The following KLHL34 variants were observed in gnomAD, a reference collection of about 807,000 sequenced individuals.
KLHL34 encodes kelch-like protein 34.
In KLHL34, 24 loss-of-function variants were observed where a neutral mutation model predicts 23.8. That is an observed-to-expected ratio of 1.01 (90% CI 0.73 to 1.42). The LOEUF is 1.42. Among genes scored for constraint, KLHL34 ranks in the 40% most tolerant of loss-of-function variants. KLHL34 has a pLI of 0.00. For synonymous variants in KLHL34, 303 were observed against 287.9 expected, an observed-to-expected ratio of 1.05 and a Z score of -0.53; for missense variants, 652 against 595.1, an observed-to-expected ratio of 1.10 and a Z score of -0.99.
chrX:21,656,637 C>G lies in KLHL34; in HGVS notation c.1152G>C (p.Leu384=). 1 of 1,211,174 alleles carries G rather than the reference C, an allele frequency of 8.3e-7. No individual in the cohort carries two copies. The highest frequency in any genetic ancestry group is 1.1e-6 in the Non-Finnish European group (1 of 895,414). ...ESPSGSASSP[L]ADDSRVVTAQ... is the part of the protein sequence containing the mutation. ...CCGTGACCACCCGCGAGTCGTCGGCCAGGGGAGAGGATGCACTGCCGGAAG... is the reference window on the plus strand; with the variant it reads ...CCGTGACCACCCGCGAGTCGTCGGCGAGGGGAGAGGATGCACTGCCGGAAG... The change falls in exon 1 of 1, where the codon CTG becomes CTC. Residue 384 remains leucine, a synonymous_variant. Coordinates refer to ENST00000379499, the MANE Select transcript of KLHL34 (RefSeq NM_153270.3).
chrX:21,657,921 C>T lies in KLHL34; in HGVS notation c.-133G>A. 9.9e-7 allele frequency: 1 copy of T among 1,015,131 alleles called. No homozygotes were observed. The highest frequency in any genetic ancestry group is 1.3e-6 in the Non-Finnish European group (1 of 763,572). The allele number at this position is 1,015,131 out of a possible 1,213,427, so 83.7% of individuals were successfully genotyped here. On this transcript the variant is annotated 5_prime_UTR_variant, in exon 1 of 1. Coordinates refer to ENST00000379499, the MANE Select transcript of KLHL34 (RefSeq NM_153270.3). ...CCTAGCAGGGGCCCATTTCTGCCTG[C>T]TCAGTTTAAAGCCCAGGGCTCCTTC...
In KLHL34 at chrX:21,657,938, G is replaced by T; in HGVS notation, c.-150C>A. ...TCTGCCTGCTCAGTTTAAAGCCCAGGGCTCCTTCATCCAGACCTGCAGATC... is the reference window on the plus strand; with the variant it reads ...TCTGCCTGCTCAGTTTAAAGCCCAGTGCTCCTTCATCCAGACCTGCAGATC... On this transcript the variant is annotated 5_prime_UTR_variant, in exon 1 of 1. Transcript: ENST00000379499. 1.1e-6 allele frequency: 1 copy of T among 924,725 alleles called. No individual in the cohort carries two copies. The highest frequency in any genetic ancestry group is 1.5e-6 in the Non-Finnish European group (1 of 688,321). The allele number at this position is 924,725 out of a possible 1,213,427, so 76.2% of individuals were successfully genotyped here. A position where few individuals can be genotyped will look rare whatever the true frequency, so the allele number is the denominator to read the frequency against.
Position 21,656,015 on chromosome X carries a change from C to T in KLHL34, c.1774G>A (p.Val592Ile). Residue 592 changes from valine (V) to isoleucine (I), a missense_variant, in exon 1 of 1, where the codon GTA (valine) becomes ATA (isoleucine). By Grantham distance (29) the Val-to-Ile change is conservative. Transcript: ENST00000379499. ...RDSRQVPTRNVVGYDLDLDRW... is the reference protein window; with the variant it reads ...RDSRQVPTRNIVGYDLDLDRW... The stretch of plus-strand genomic sequence containing the variant: ...TCCAGGTCGAGGTCGTAGCCCACTA[C>T]GTTGCGGGTAGGCACCTGGCGCGAG... The T allele has an allele frequency of 8.3e-7, 1 of 1,207,987 alleles. No individual in the cohort carries two copies. Among genetic ancestry groups the T allele is most frequent in the Non-Finnish European group, 1.1e-6 (1 of 893,700 alleles).
chrX:21,656,949 G>A lies in KLHL34; in HGVS notation c.840C>T (p.Thr280=). The change falls in exon 1 of 1, where the codon ACC becomes ACT. Residue 280 remains threonine, a synonymous_variant. Coordinates refer to ENST00000379499, the MANE Select transcript of KLHL34 (RefSeq NM_153270.3). ...GEQTSIRSPQ[T]RILLVGGRRA... ...TGCGCCCCCCCACCAACAAGATGCG[G>A]GTCTGGGGGCTCCGGATGCTGGTCT... The A allele has an allele frequency of 1.7e-6, 2 of 1,159,288 alleles. No homozygotes were observed.
In KLHL34 at chrX:21,655,583, TAGCCTTGCGTG is replaced by T; in HGVS notation, c.*260_*270del. The T allele has an allele frequency of 3.7e-6, 1 of 269,147 alleles. No homozygotes were observed. The highest frequency in any genetic ancestry group is 6.4e-6 in the Non-Finnish European group (1 of 155,251). The allele number at this position is 269,147 out of a possible 1,213,427, so 22.2% of individuals were successfully genotyped here. A position where few individuals can be genotyped will look rare whatever the true frequency, so the allele number is the denominator to read the frequency against. ...TATTTTATTTGTGAAAGTCCTTCTCTAGCCTTGCGTGAGCCTTTCTAAAAATTTTCTTTCAC... is the reference window on the plus strand; with the variant it reads ...TATTTTATTTGTGAAAGTCCTTCTCTAGCCTTTCTAAAAATTTTCTTTCAC... On this transcript the variant is annotated 3_prime_UTR_variant, in exon 1 of 1. Coordinates refer to ENST00000379499, the MANE Select transcript of KLHL34 (RefSeq NM_153270.3).
In KLHL34 at chrX:21,655,944, GC is replaced by G. The variant is rs2092731328; in HGVS notation, c.1844del (p.Gly615AlafsTer25). 14 of 1,209,551 alleles carry G rather than the reference GC, an allele frequency of 1.2e-5. No individual in the cohort carries two copies. Among genetic ancestry groups the G allele is most frequent in the African/African-American group, 1.7e-5 (1 of 57,209 alleles). Reference protein sequence around the residue: ...IGCALPWAWSGLRCAVLQLAE... With the variant: ...IGCALPWAWSXLRCAVLQLAE... ...CCAGCTGCAGCACTGCGCACCGCAG[GC>G]CGCTCCAGGCCCAGGGCAACGCGCA... On this transcript the variant is annotated frameshift_variant, in exon 1 of 1. Transcript: ENST00000379499. LOFTEE classifies it high-confidence loss of function.
chrX:21,655,181 G>A lies in KLHL34; in HGVS notation c.*673C>T, dbSNP rs777474602. ...GGCAAAAGCAGCCTAGGGTGACACC[G>A]GTGACAGAAAAATTTAAGGATACTT... On this transcript the variant is annotated 3_prime_UTR_variant, in exon 1 of 1. Transcript: ENST00000379499. The A allele has an allele frequency of 2.2e-4, 24 of 110,029 alleles. No individual in the cohort carries two copies. The highest frequency in any genetic ancestry group is 4.8e-4 in the Admixed American group (5 of 10,376). The allele number at this position is 110,029 out of a possible 1,213,427, so 9.1% of individuals were successfully genotyped here.
Position 21,657,556 on chromosome X carries a change from G to T in KLHL34, c.233C>A (p.Ala78Asp). Residue 78 changes from alanine (A) to aspartate (D), a missense_variant, in exon 1 of 1, where the codon GCC becomes GAC. Physicochemically the swap from Ala to Asp is moderately radical, Grantham distance 126. Transcript: ENST00000379499. ...GAAGTCCAGCAGGCGCTGCAGGCCG[G>T]CTGCCGATGGCACGTGCAGGTGGAT... ...RVIHLHVPSA[A>D]GLQRLLDFIY... 5 of 1,209,629 alleles carry T rather than the reference G, an allele frequency of 4.1e-6. No individual in the cohort carries two copies. Among genetic ancestry groups the T allele is most frequent in the Non-Finnish European group, 5.6e-6 (5 of 894,870 alleles).
chrX:21,656,114 A>T lies in KLHL34; in HGVS notation c.1675T>A (p.Tyr559Asn). ...DQWTRLRPLP[Y>N]DRFCYGLAVV... ...GCCAGCCCATAGCAGAAGCGGTCGT[A>T]GGGCAGCGGCCGCAACCGAGTCCAC... The change falls in exon 1 of 1, where the codon TAC becomes AAC. Residue 559 changes from tyrosine (Y) to asparagine (N), a missense_variant. Tyr to Asn is a moderately radical substitution (Grantham distance 143). Transcript: ENST00000379499. 1 of 1,179,095 alleles carries T rather than the reference A, an allele frequency of 8.5e-7. No individual in the cohort carries two copies. The highest frequency in any genetic ancestry group is 1.1e-6 in the Non-Finnish European group (1 of 877,858).
Position 21,656,939 on chromosome X carries a change from A to G in KLHL34, c.850T>C (p.Leu284=). The G allele has an allele frequency of 1.7e-6, 2 of 1,157,941 alleles. No individual in the cohort carries two copies. Among genetic ancestry groups the G allele is most frequent in the Non-Finnish European group, 2.3e-6 (2 of 868,322 alleles). Residue 284 remains leucine (L), a synonymous_variant, in exon 1 of 1, where the codon TTG becomes CTG. Transcript: ENST00000379499. The stretch of plus-strand genomic sequence containing the variant: ...TCCCGTGCCCTGCGCCCCCCCACCA[A>G]CAAGATGCGGGTCTGGGGGCTCCGG... ...SIRSPQTRIL[L]VGGRRAREVV...
chrX:21,656,517 G>C lies in KLHL34; in HGVS notation c.1272C>G (p.Gly424=). ...ARAHFWCGAV[G]ERLLAVGGLG... The stretch of plus-strand genomic sequence containing the variant: ...GGCCCCCGACGGCCAGGAGCCTCTC[G>C]CCCACCGCGCCGCACCAGAAGTGGG... The change falls in exon 1 of 1, where the codon GGC becomes GGG. Residue 424 remains glycine, a synonymous_variant. Transcript: ENST00000379499. 1 of 1,195,805 alleles carries C rather than the reference G, an allele frequency of 8.4e-7. No individual in the cohort carries two copies. Among genetic ancestry groups the C allele is most frequent in the South Asian group, 1.8e-5 (1 of 55,150 alleles).
chrX:21,658,025 G>A lies in KLHL34; in HGVS notation c.-237C>T, dbSNP rs2092736020. The A allele has an allele frequency of 2.7e-6, 1 of 376,756 alleles. No individual in the cohort carries two copies. Among genetic ancestry groups the A allele is most frequent in the Non-Finnish European group, 4.5e-6 (1 of 222,169 alleles). 31.0% of individuals were successfully genotyped at this position (376,756 alleles called of 1,213,427 possible). On this transcript the variant is annotated 5_prime_UTR_variant, in exon 1 of 1. Transcript: ENST00000379499. ...ACGGTTTTCGGAGGCCCCTAGTAAC[G>A]GAGGGCGCGGAATTTGGAGGCTTCC...
In KLHL34 at chrX:21,654,887, T is replaced by C. The variant is rs373464411; in HGVS notation, c.*967A>G. ...CCTGAAAAATCAAGCTCGTTTCCCA[T>C]TTACCTGAGACGAAGTTTAAAACTT... On this transcript the variant is annotated 3_prime_UTR_variant, in exon 1 of 1. Coordinates refer to ENST00000379499, the MANE Select transcript of KLHL34 (RefSeq NM_153270.3). 8.9e-6 allele frequency: 1 copy of C among 111,873 alleles called. No individual in the cohort carries two copies. The highest frequency in any genetic ancestry group is 2.8e-4 in the East Asian group (1 of 3,586). 9.2% of individuals were successfully genotyped at this position (111,873 alleles called of 1,213,427 possible).
At position 21,655,699 on chromosome X, in the gene KLHL34, T is replaced by C. The variant is rs1050382788; in HGVS notation, c.*155A>G. The C allele has an allele frequency of 1.5e-5, 14 of 926,817 alleles. No individual in the cohort carries two copies. Among genetic ancestry groups the C allele is most frequent in the African/African-American group, 2.0e-5 (1 of 49,166 alleles). 76.4% of individuals were successfully genotyped at this position (926,817 alleles called of 1,213,427 possible). A position where few individuals can be genotyped will look rare whatever the true frequency, so the allele number is the denominator to read the frequency against. On this transcript the variant is annotated 3_prime_UTR_variant, in exon 1 of 1. Transcript: ENST00000379499. Reference sequence around the variant, plus strand: ...CTCCCATTCTCAGCTCAAGGAGAAATGTTTCTCTTTGCTCAAGGCCTTGTT... The same window carrying C: ...CTCCCATTCTCAGCTCAAGGAGAAACGTTTCTCTTTGCTCAAGGCCTTGTT...
chrX:21,657,581 T>C lies in KLHL34; in HGVS notation c.208A>G (p.Ile70Val). The C allele has an allele frequency of 1.7e-6, 2 of 1,210,695 alleles. No individual in the cohort carries two copies. The highest frequency in any genetic ancestry group is 2.2e-6 in the Non-Finnish European group (2 of 895,226). ...SHTQESRARV[I>V]HLHVPSAAGL... is the part of the protein sequence containing the mutation. ...GCTGCCGATGGCACGTGCAGGTGGATCACGCGCGCCCGGGATTCCTGGGTG... is the reference window on the plus strand; with the variant it reads ...GCTGCCGATGGCACGTGCAGGTGGACCACGCGCGCCCGGGATTCCTGGGTG... Residue 70 changes from isoleucine to valine, a missense_variant, in exon 1 of 1, where the codon ATC (isoleucine) becomes GTC (valine). By Grantham distance (29) the Ile-to-Val change is conservative. Transcript: ENST00000379499.
In KLHL34 at chrX:21,657,308, G is replaced by A. The variant is rs750275034; in HGVS notation, c.481C>T (p.Leu161=). 13 of 1,158,184 alleles carry A rather than the reference G, an allele frequency of 1.1e-5. No individual in the cohort carries two copies. In the East Asian group the frequency reaches 4.2e-4, roughly 37 times the overall value. ...GCGGGGCCCGCGCCCCGCGCCAGCA[G>A]CTCCTGCAAGTGGCTCACGATGCAG... ...ERCIVSHLQE[L]LARGAGPAGL... The change falls in exon 1 of 1, where the codon CTG becomes TTG. Residue 161 remains leucine (L), a synonymous_variant. Coordinates refer to ENST00000379499, the MANE Select transcript of KLHL34 (RefSeq NM_153270.3).
rs2092729432 is a variant in KLHL34 at position 21,654,935 on chromosome X, C to G, written c.*919G>C. 1 of 111,937 alleles carries G rather than the reference C, an allele frequency of 8.9e-6. No homozygotes were observed. The highest frequency in any genetic ancestry group is 1.9e-5 in the Non-Finnish European group (1 of 53,188). The allele number at this position is 111,937 out of a possible 1,213,427, so 9.2% of individuals were successfully genotyped here. ...CTTTACCTATTCCTCTTTCCTTTCT[C>G]TGTGATTCTTTTGGGGGAAGTGGGG... On this transcript the variant is annotated 3_prime_UTR_variant, in exon 1 of 1. Coordinates refer to ENST00000379499, the MANE Select transcript of KLHL34 (RefSeq NM_153270.3).
In KLHL34 at chrX:21,655,859, C is replaced by A; in HGVS notation, c.1930G>T (p.Gly644Cys). The A allele has an allele frequency of 8.4e-7, 1 of 1,186,595 alleles. No homozygotes were observed. Among genetic ancestry groups the A allele is most frequent in the East Asian group, 3.0e-5 (1 of 33,515 alleles). Residue 644 changes from glycine to cysteine, a missense_variant, in exon 1 of 1, where the codon GGC becomes TGC. By Grantham distance (159) the Gly-to-Cys change is radical. Transcript: ENST00000379499. ...EVGEALDLVLG is the reference protein window; with the variant it reads ...EVGEALDLVLC ...AGGAAACCGGACTGACCCATTCAGC[C>A]CAGCACCAAATCTAGCGCCTCTCCA...
chrX:21,656,001 G>A lies in KLHL34; in HGVS notation c.1788C>T (p.Asp596=), dbSNP rs766205595. 1 of 1,208,149 alleles carries A rather than the reference G, an allele frequency of 8.3e-7. No homozygotes were observed. Among genetic ancestry groups the A allele is most frequent in the Non-Finnish European group, 1.1e-6 (1 of 894,395 alleles). The change falls in exon 1 of 1, where the codon GAC becomes GAT. Residue 596 remains aspartate (D), a synonymous_variant. Coordinates refer to ENST00000379499, the MANE Select transcript of KLHL34 (RefSeq NM_153270.3). ...QVPTRNVVGY[D]LDLDRWEDIG... ...TGTCCTCCCAACGGTCCAGGTCGAG[G>A]TCGTAGCCCACTACGTTGCGGGTAG...
Sources: gnomAD v4.1 joint callset for allele counts on GRCh38, gnomAD v4.1.1 for gene constraint, MANE v1.5 for transcripts, NCBI Gene and HGNC (gene_info 2026-07-23, HGNC 2026-07-21) for gene names.